Variants in ERBB2 observed in about 807,000 individuals in gnomAD.
ERBB2 encodes the protein erb-b2 receptor tyrosine kinase 2.
ERBB2 carries 61 observed loss-of-function variants against 149.0 expected under a neutral mutation model. The ratio of observed to expected loss-of-function variants is 0.41; its 90% CI spans 0.33 to 0.51. ERBB2 has a LOEUF of 0.51. Among genes scored for constraint, ERBB2 ranks in the 20% least tolerant of loss-of-function variants. ERBB2 has a pLI of 0.25. For missense variants in ERBB2, 1,205 were observed against 1,655.1 expected (o/e 0.73, Z 4.72); for synonymous variants, 633 against 678.8 (o/e 0.93, Z 1.05).
Position 39,710,106 on chromosome 17 carries a change from G to C in ERBB2, c.664G>C (p.Gly222Arg), listed in dbSNP as rs772393268. The C allele has an allele frequency of 6.2e-7, 1 of 1,609,256 alleles. No individual in the cohort carries two copies. Among genetic ancestry groups the C allele is most frequent in the South Asian group, 1.1e-5 (1 of 91,022 alleles). ...CQSLTRTVCA[G>R]GCARCKGPLP... ...AACAGTGACGCGCACTGTCTGTGCC[G>C]GTGGCTGTGCCCGCTGCAAGGGGCC... The change falls in exon 6 of 27, where the codon GGT (glycine) becomes CGT (arginine). Residue 222 changes from glycine to arginine, a missense_variant. Physicochemically the swap from Gly to Arg is moderately radical, Grantham distance 125. Transcript: ENST00000269571.
intron 4 of ERBB2, 31 bp downstream of exon 4, chr17:39,709,483 T>C (rs2145479247): frequency 6.2e-7 from 1 of 1,612,680 alleles, no homozygotes; most frequent in Non-Finnish European, 8.5e-7. Context: ...CTGCCTCTTC[T>C]CTCAGACAGC....
chr17:39,715,234 G>C, intron 9 of ERBB2, 52 bp from the exon 10 acceptor site: 1 of 1,497,614 alleles, frequency 6.7e-7, no homozygotes, highest in Non-Finnish European at 9.3e-7. Context: ...AGTGCTGGGA[G>C]TGATGTCCAC....
upstream of ERBB2, among the ~76,000 whole-genome samples, chr17:39,690,541 T>G (rs1370073920): frequency 6.6e-6 from 1 of 152,154 alleles, no homozygotes; most frequent in Admixed American, 6.5e-5. Flanking sequence ...AGTAGAGACT[T>G]CTGTTCTGTT....
chr17:39,700,627 C>A (rs1167448715), intron 1 of ERBB2, among the ~76,000 whole-genome samples: 2 of 152,080 alleles, frequency 1.3e-5, no homozygotes, highest in Admixed American at 1.3e-4. Context: ...TTGCGTAGAG[C>A]GCGCGCGCGC....
At chr17:39,704,667 A>G (rs1042840173) in intron 1 of ERBB2, among the ~76,000 whole-genome samples, 23 of 152,154 alleles carry the variant, frequency 1.5e-4, no homozygotes, top group African/African-American at 5.5e-4. Flanking sequence ...TCTTGACTTC[A>G]TGTAGGCTGG....
At chr17:39,703,098 C>A (rs923205917) in intron 1 of ERBB2, 7 of 152,354 alleles carry the variant, frequency 4.6e-5, no homozygotes, top group African/African-American at 1.7e-4. Flanking sequence ...ACTTCAGAGT[C>A]CTCTCCCTTC....
intron 16 of ERBB2, among the ~76,000 whole-genome samples, chr17:39,721,875 C>T (rs1460730350): frequency 1.3e-5 from 2 of 152,134 alleles, no homozygotes; most frequent in Non-Finnish European, 2.9e-5. Context: ...TTTGAATACC[C>T]ATACAGCCAT....
upstream of ERBB2, among the ~76,000 whole-genome samples, chr17:39,694,275 A>G (rs1225421084): frequency 2.0e-3 from 101 of 51,250 alleles, 2 homozygotes; most frequent in East Asian, 2.9e-3. Context: ...ATATGTGTGT[A>G]TATATATATA....
Position 39,726,878 on chromosome 17 carries a change from G to A in ERBB2, c.3034G>A (p.Asp1012Asn), listed in dbSNP as rs774520188. The change falls in exon 25 of 27, where the codon GAT becomes AAT. Residue 1012 changes from aspartate to asparagine, a missense_variant. Coordinates refer to ENST00000269571, the MANE Select transcript of ERBB2 (RefSeq NM_004448.4). The surrounding 1 kb of genome is among the most constrained non-coding windows in gnomAD (Gnocchi z 5.1). ...CTTCTACCGCTCACTGCTGGAGGAC[G>A]ATGACATGGGGGACCTGGTGGATGC... Reference protein sequence around the residue: ...STFYRSLLEDDDMGDLVDAEE... With the variant: ...STFYRSLLEDNDMGDLVDAEE... 27 of 1,613,890 alleles carry A rather than the reference G, an allele frequency of 1.7e-5. No individual in the cohort carries two copies. The South Asian group carries it at 2.3e-4, about 14-fold the overall frequency.
rs2058002298 is a variant in ERBB2, at chr17:39,700,207, G to A, written c.-32G>A. On this transcript the variant is annotated 5_prime_UTR_variant, in exon 1 of 27. Transcript: ENST00000269571. ...CGCGCCCTCCCAGCCGGGTCCAGCC[G>A]GAGCCATGGGGCCGGAGCCGCAGTG... 18 of 1,421,450 alleles carry A rather than the reference G, an allele frequency of 1.3e-5. No individual in the cohort carries two copies. Among genetic ancestry groups the A allele is most frequent in the Non-Finnish European group, 1.6e-5 (18 of 1,091,654 alleles). The allele number at this position is 1,421,450 out of a possible 1,614,324, so 88.1% of individuals were successfully genotyped here. A position where few individuals can be genotyped will look rare whatever the true frequency, so the allele number is the denominator to read the frequency against.
Position 39,717,790 on chromosome 17 carries a change from AACACACACACAC to A in ERBB2, c.1898+330_1898+341del, listed in dbSNP as rs67643218. On this transcript the variant is annotated intron_variant, in intron 15 of 26. Coordinates refer to ENST00000269571, the MANE Select transcript of ERBB2 (RefSeq NM_004448.4). Reference sequence around the variant, plus strand: ...AGTTATTTTTATCTGTGCACATTTTAACACACACACACACACACACACACACACACATATGTA... The same window carrying A: ...AGTTATTTTTATCTGTGCACATTTTAACACACACACACACACACATATGTA... 85 of 172,016 alleles carry A rather than the reference AACACACACACAC, an allele frequency of 4.9e-4. No homozygotes were observed. The South Asian group carries it at 7.3e-3, about 15-fold the overall frequency. The allele number at this position is 172,016 out of a possible 1,614,324, so 10.7% of individuals were successfully genotyped here.
Position 39,725,261 on chromosome 17 carries a change from G to A in ERBB2, c.2649+57G>A, listed in dbSNP as rs1295913292. 2 of 1,613,376 alleles carry A rather than the reference G, an allele frequency of 1.2e-6. No individual in the cohort carries two copies. The highest frequency in any genetic ancestry group is 1.7e-6 in the Non-Finnish European group (2 of 1,179,414). On this transcript the variant is annotated intron_variant, in intron 21 of 26. Coordinates refer to ENST00000269571, the MANE Select transcript of ERBB2 (RefSeq NM_004448.4). This position sits in a 1 kb window ranked among gnomAD's most constrained non-coding sequence, Gnocchi z 4.6. ...TGGGTGGAGTGGTGTCTAGCCCATG[G>A]GAGAACTCTGAGTGGCCACCTCCCC...
chr17:39,709,951 AG>A, intron 5 of ERBB2, 70 bp downstream of exon 5: 1 of 1,449,360 alleles, frequency 6.9e-7, no homozygotes. Context: ...GGTGTCATAC[AG>A]GTGACATGGG....
chr17:39,705,961 AC>A (rs1269495426), intron 1 of ERBB2, among the ~76,000 whole-genome samples: 2 of 152,098 alleles, frequency 1.3e-5, no homozygotes, highest in African/African-American at 4.8e-5. Context: ...GATTCATCTC[AC>A]CAGAGCAGAA....
At chr17:39,709,117 C>G (rs2058640880) in intron 3 of ERBB2, 1 of 627,800 alleles carries the variant, frequency 1.6e-6, no homozygotes, top group East Asian at 2.7e-5. Context: ...ACAACTCACT[C>G]CTCCCTGGCT....
At chr17:39,694,245 ATATATATATATATATATATATATG>A (rs1205545672), upstream of ERBB2, among the ~76,000 whole-genome samples, 5,306 of 41,490 alleles carry the variant, frequency 0.13, 571 homozygotes, top group Non-Finnish European at 0.19. Context: ...ATATATATAT[ATATATATATATATATATATATATG>A]TGTGTATATA....
chr17:39,691,902 T>TAG (rs1567886184), upstream of ERBB2, among the ~76,000 whole-genome samples: 5 of 126,754 alleles, frequency 3.9e-5, no homozygotes, highest in African/African-American at 1.5e-4. Context: ...TAGATATAGA[T>TAG]ATATATACAT....
At chr17:39,708,068 CAG>C in intron 2 of ERBB2, 1 of 418,366 alleles carries the variant, frequency 2.4e-6, no homozygotes, top group Non-Finnish European at 4.3e-6. Flanking sequence ...AACTGAGATA[CAG>C]AGAGGGCAGG....
chr17:39,724,107 T>A lies in ERBB2; in HGVS notation c.2307+97T>A, dbSNP rs926476552. 3.6e-5 allele frequency: 29 copies of A among 812,696 alleles called. No individual in the cohort carries two copies. The South Asian group carries it at 4.2e-4, about 12-fold the overall frequency. The allele number at this position is 812,696 out of a possible 1,614,324, so 50.3% of individuals were successfully genotyped here. ...CTCTTCATTGGGGTTTGGGGAGATA[T>A]GACTCCCGCAAACCTAGACTATTTT... On this transcript the variant is annotated intron_variant, in intron 19 of 26. Coordinates refer to ENST00000269571, the MANE Select transcript of ERBB2 (RefSeq NM_004448.4).
Sources: allele counts gnomAD v4.1 joint callset (sites outside exome capture counted in the v4.1 genomes callset), GRCh38; gene constraint gnomAD v4.1.1; non-coding constraint Gnocchi (gnomAD v3.1); transcripts MANE v1.5; gene names NCBI Gene and HGNC (gene_info 2026-07-23, HGNC 2026-07-21).